Variants in ZNF362 observed in about 807,000 individuals in gnomAD.
ZNF362 encodes the protein zinc finger protein 362, also known as rotund homolog.
Under a neutral mutation model 42.9 loss-of-function variants are expected in ZNF362, and 11 were observed. That is an observed-to-expected ratio of 0.26 (90% CI 0.16 to 0.42). ZNF362 has a LOEUF of 0.42. Among genes scored for constraint, ZNF362 ranks in the 20% least tolerant of loss-of-function variants. ZNF362 has a pLI of 1.00. For synonymous variants in ZNF362, 255 were observed against 257.3 expected, an observed-to-expected ratio of 0.99 and a Z score of 0.09; for missense variants, 362 against 576.2, an observed-to-expected ratio of 0.63 and a Z score of 3.81.
the ZNF362 span, among the ~76,000 whole-genome samples, chr1:33,221,526 C>T: frequency 6.6e-6 from 1 of 152,332 alleles, no homozygotes; most frequent in East Asian, 1.9e-4. Context: ...AGTGCCCAAA[C>T]TATACCAGGC....
chr1:33,159,886 A>T, the ZNF362 span: 2 of 1,610,844 alleles, frequency 1.2e-6, no homozygotes, highest in Admixed American at 3.3e-5. This position sits in a 1 kb window ranked among gnomAD's most constrained non-coding sequence, Gnocchi z 4.2. Flanking sequence ...TTCACGCAGC[A>T]GCCGGTGCAG....
At chr1:33,292,179 A>G (rs1646083342) in intron 6 of ZNF362, among the ~76,000 whole-genome samples, 1 of 152,192 alleles carries the variant, frequency 6.6e-6, no homozygotes, top group South Asian at 2.1e-4. Context: ...GTTTTTGCCC[A>G]TTCAGTATGA....
the ZNF362 span, among the ~76,000 whole-genome samples, chr1:33,170,246 C>A: frequency 6.6e-6 from 1 of 151,890 alleles, no homozygotes; most frequent in African/African-American, 2.4e-5. Context: ...GCAAGAATCG[C>A]TTTAACCCAG....
chr1:33,170,710 G>A, the ZNF362 span, among the ~76,000 whole-genome samples: 1 of 152,182 alleles, frequency 6.6e-6, no homozygotes, highest in Non-Finnish European at 1.5e-5. Context: ...TGCCTGAGCT[G>A]TGTCACCCCT....
At chr1:33,232,227 C>T in the ZNF362 span, among the ~76,000 whole-genome samples, 1 of 152,118 alleles carries the variant, frequency 6.6e-6, no homozygotes, top group African/African-American at 2.4e-5. Context: ...AAGAGGTCTA[C>T]AGAAAAGATT....
chr1:33,293,478 T>G (rs2148135426), intron 6 of ZNF362, among the ~76,000 whole-genome samples: 1 of 152,310 alleles, frequency 6.6e-6, no homozygotes, highest in South Asian at 2.1e-4. Context: ...TCTCTAAGTC[T>G]AACACTGGGC....
chr1:33,262,468 A>T (rs897483900), intron 1 of ZNF362, among the ~76,000 whole-genome samples: 1 of 151,616 alleles, frequency 6.6e-6, no homozygotes, highest in Non-Finnish European at 1.5e-5. Flanking sequence ...CACCACGCCC[A>T]GCTAATTTTT....
chr1:33,180,144 C>A, the ZNF362 span, among the ~76,000 whole-genome samples: 1 of 152,148 alleles, frequency 6.6e-6, no homozygotes, highest in Non-Finnish European at 1.5e-5. Context: ...CAACTATGCT[C>A]AGGTCACTCT....
the ZNF362 span, among the ~76,000 whole-genome samples, chr1:33,171,059 G>T: frequency 6.6e-6 from 1 of 152,154 alleles, no homozygotes; most frequent in Non-Finnish European, 1.5e-5. Context: ...GGAAGAGGCT[G>T]CAGGGACCAT....
At chr1:33,199,471 ACAAAAAC>A in the ZNF362 span, among the ~76,000 whole-genome samples, 4 of 152,212 alleles carry the variant, frequency 2.6e-5, no homozygotes, top group African/African-American at 7.2e-5. Context: ...TCTTGGAAAT[ACAAAAAC>A]TGAAAGAATT....
chr1:33,220,873 G>T, the ZNF362 span, among the ~76,000 whole-genome samples: 4 of 152,126 alleles, frequency 2.6e-5, no homozygotes, highest in African/African-American at 9.7e-5. Context: ...CTAATGCCAC[G>T]AATTCTGGGC....
At chr1:33,297,615 G>T (rs1366568343) in intron 8 of ZNF362, among the ~76,000 whole-genome samples, 1 of 145,180 alleles carries the variant, frequency 6.9e-6, no homozygotes, top group Admixed American at 7.2e-5. Flanking sequence ...AGGTTCAAGC[G>T]ATTCTCCTGC....
At chr1:33,234,673 C>T in the ZNF362 span, among the ~76,000 whole-genome samples, 2 of 152,174 alleles carry the variant, frequency 1.3e-5, no homozygotes, top group Non-Finnish European at 2.9e-5. Flanking sequence ...ACCAGCACGG[C>T]AGCTGGGATG....
Position 33,299,120 on chromosome 1 carries a change from C to T in ZNF362, c.*74C>T. The T allele has an allele frequency of 1.7e-6, 2 of 1,170,086 alleles. No individual in the cohort carries two copies. The highest frequency in any genetic ancestry group is 1.8e-5 in the Admixed American group (1 of 56,808). The allele number at this position is 1,170,086 out of a possible 1,614,324, so 72.5% of individuals were successfully genotyped here. On this transcript the variant is annotated 3_prime_UTR_variant, in exon 9 of 9. Transcript: ENST00000539719. ...AGGCAGCACCAGGCCCCAGCTCCCT[C>T]CGGGGGCCCTCCAGGAACCACCAAG... is the stretch of plus-strand genomic sequence containing the variant.
chr1:33,182,577 C>G, the ZNF362 span, among the ~76,000 whole-genome samples: 36 of 149,736 alleles, frequency 2.4e-4, no homozygotes, highest in Non-Finnish European at 4.7e-4. Context: ...CCTCCATTGG[C>G]AAACAATTCT....
chr1:33,238,921 C>T, the ZNF362 span, among the ~76,000 whole-genome samples: 2 of 152,288 alleles, frequency 1.3e-5, no homozygotes, highest in South Asian at 2.1e-4. Context: ...TCCTGGACTT[C>T]CAGCCTCCAG....
Position 33,294,082 on chromosome 1 carries a change from A to G in ZNF362, c.909-855A>G, listed in dbSNP as rs909870407. Among the ~76,000 whole-genome samples the G allele has an allele frequency of 1.3e-5, 2 of 152,152 alleles. No individual in the cohort carries two copies. Among genetic ancestry groups the G allele is most frequent in the Non-Finnish European group, 2.9e-5 (2 of 68,024 alleles). On this transcript the variant is annotated intron_variant, in intron 6 of 8. Coordinates refer to ENST00000539719, the MANE Select transcript of ZNF362 (RefSeq NM_152493.3). The surrounding 1 kb of genome is among the most constrained non-coding windows in gnomAD (Gnocchi z 4.2). Reference sequence around the variant, plus strand: ...GGCTTTTGTCTGTTTTGTTCATGATATATTCCAAATACCTAGCACAGTGCC... The same window carrying G: ...GGCTTTTGTCTGTTTTGTTCATGATGTATTCCAAATACCTAGCACAGTGCC...
At chr1:33,285,849 G>A (rs1646028525) in intron 6 of ZNF362, among the ~76,000 whole-genome samples, 1 of 152,162 alleles carries the variant, frequency 6.6e-6, no homozygotes, top group South Asian at 2.1e-4. Context: ...AATCACTTGA[G>A]GTCAGGAGTT....
the ZNF362 span, among the ~76,000 whole-genome samples, chr1:33,137,623 T>G: frequency 6.6e-6 from 1 of 152,128 alleles, no homozygotes; most frequent in Non-Finnish European, 1.5e-5. Flanking sequence ...TTGCCCAACA[T>G]CACACTTAAC....
Sources: allele counts gnomAD v4.1 joint callset (sites outside exome capture counted in the v4.1 genomes callset), GRCh38; gene constraint gnomAD v4.1.1; non-coding constraint Gnocchi (gnomAD v3.1); transcripts MANE v1.5; gene names NCBI Gene and HGNC (gene_info 2026-07-23, HGNC 2026-07-21).